The following FUT8 variants were observed in gnomAD, a reference collection of about 807,000 sequenced individuals.
FUT8 encodes the protein fucosyltransferase 8.
In FUT8, 29 loss-of-function variants were observed where a neutral mutation model predicts 71.3. That is an observed-to-expected ratio of 0.41 (90% confidence interval 0.30 to 0.55). The LOEUF (loss-of-function observed/expected upper bound fraction) is 0.55. FUT8 is among the 20% of genes least tolerant of loss of function. The pLI, the probability that FUT8 is intolerant of heterozygous loss-of-function variation, is 0.34. For synonymous variants in FUT8, 254 were observed against 239.3 expected (o/e 1.06, Z -0.57); for missense variants, 544 against 702.1 (o/e 0.77, Z 2.55).
chr14:65,440,617 A>G (rs569450423), intron 1 of FUT8, among the ~76,000 whole-genome samples: 7 of 152,038 alleles, frequency 4.6e-5, no homozygotes, highest in Non-Finnish European at 7.3e-5. Context: ...TACACAATAC[A>G]TATGTGTAAC....
intron 2 of FUT8, among the ~76,000 whole-genome samples, chr14:65,465,377 G>A (rs2066027445): frequency 6.6e-6 from 1 of 151,912 alleles, no homozygotes; most frequent in South Asian, 2.1e-4. Flanking sequence ...TCATTATGTT[G>A]CCCAGGCTGG....
intron 1 of FUT8, among the ~76,000 whole-genome samples, chr14:65,414,416 A>G (rs1433691040): frequency 6.6e-6 from 1 of 152,240 alleles, no homozygotes; most frequent in Non-Finnish European, 1.5e-5. Flanking sequence ...TTTAAGCACT[A>G]CAGTATATCA....
At chr14:65,376,696 G>A in the FUT8 span, among the ~76,000 whole-genome samples, 9 of 152,118 alleles carry the variant, frequency 5.9e-5, no homozygotes, top group African/African-American at 2.2e-4. Context: ...ACAGGCATGA[G>A]CCGCTGTGCC....
intron 7 of FUT8, among the ~76,000 whole-genome samples, chr14:65,712,548 G>T (rs1025583463): frequency 6.6e-6 from 1 of 152,034 alleles, no homozygotes; most frequent in South Asian, 2.1e-4. Context: ...GGGTTCAAGC[G>T]ATTCTCCTGC....
chr14:65,405,289 A>G, the FUT8 span, among the ~76,000 whole-genome samples: 1 of 152,204 alleles, frequency 6.6e-6, no homozygotes, highest in Non-Finnish European at 1.5e-5. Flanking sequence ...GAGACTAGGA[A>G]AAGTAAGATT....
At chr14:65,601,554 A>T (rs919921037) in intron 3 of FUT8, among the ~76,000 whole-genome samples, 15 of 152,090 alleles carry the variant, frequency 9.9e-5, no homozygotes, top group South Asian at 2.1e-4. Flanking sequence ...TGTTTAAAAA[A>T]TTTTTTCTTA....
intron 3 of FUT8, among the ~76,000 whole-genome samples, chr14:65,577,102 A>T (rs1037885245): frequency 6.6e-6 from 1 of 151,878 alleles, no homozygotes; most frequent in East Asian, 1.9e-4. Flanking sequence ...CTCCTGCCTC[A>T]GCCTTCCAAA....
intron 10 of FUT8, among the ~76,000 whole-genome samples, chr14:65,736,630 ATG>A (rs1229046871): frequency 2.6e-5 from 4 of 151,962 alleles, no homozygotes; most frequent in Admixed American, 1.3e-4. Flanking sequence ...TTTGAAGTAA[ATG>A]TGTGTGTGTT....
chr14:65,694,105 G>T (rs1893858769), intron 7 of FUT8, among the ~76,000 whole-genome samples: 1 of 152,096 alleles, frequency 6.6e-6, no homozygotes, highest in South Asian at 2.1e-4. Context: ...CTCACTAGAG[G>T]TTTCTTCATT....
At chr14:65,366,873 G>A in the FUT8 span, among the ~76,000 whole-genome samples, 1 of 152,210 alleles carries the variant, frequency 6.6e-6, no homozygotes, top group African/African-American at 2.4e-5. Context: ...CCATGGTTCT[G>A]AAGAGGCTAC....
intron 6 of FUT8, among the ~76,000 whole-genome samples, chr14:65,648,675 A>C (rs576858224): frequency 6.6e-6 from 1 of 152,320 alleles, no homozygotes; most frequent in Admixed American, 6.5e-5. Flanking sequence ...TCTGACTAAT[A>C]TCGGGTTCCA....
chr14:65,513,189 C>T (rs1882478592), intron 2 of FUT8, among the ~76,000 whole-genome samples: 2 of 152,178 alleles, frequency 1.3e-5, no homozygotes, highest in African/African-American at 4.8e-5. Context: ...ATTCTATCGA[C>T]AAAAAGCATT....
rs33920097 is a variant in FUT8, at chr14:65,488,932, G to GAA, written c.-228+33221_-228+33222dup. 9.2e-5 allele frequency among the ~76,000 whole-genome samples: 14 copies of GAA among 151,434 alleles called. No individual in the cohort carries two copies. In the South Asian group the frequency reaches 2.9e-3, roughly 32 times the overall value. On this transcript the variant is annotated intron_variant, in intron 2 of 10. Coordinates refer to ENST00000673929, the MANE Select transcript of FUT8 (RefSeq NM_001371533.1). ...TGTACTTTTTGAACCAACTTGAATAGAAAAAAAACAACCTGAAGAATAATA... is the reference window on the plus strand; with the variant it reads ...TGTACTTTTTGAACCAACTTGAATAGAAAAAAAAAACAACCTGAAGAATAATA...
intron 7 of FUT8, among the ~76,000 whole-genome samples, chr14:65,695,846 G>A (rs558102457): frequency 1.3e-5 from 2 of 151,840 alleles, no homozygotes; most frequent in South Asian, 4.2e-4. Flanking sequence ...GCCTTCTCTG[G>A]TTTTAATGGG....
At chr14:65,529,910 C>G (rs1452975467) in intron 2 of FUT8, among the ~76,000 whole-genome samples, 1 of 151,290 alleles carries the variant, frequency 6.6e-6, no homozygotes, top group African/African-American at 2.5e-5. Flanking sequence ...ATTGAGGACT[C>G]TGTCTTGCCT....
intron 2 of FUT8, among the ~76,000 whole-genome samples, chr14:65,517,499 A>C (rs1404747009): frequency 6.6e-6 from 1 of 152,202 alleles, no homozygotes; most frequent in Non-Finnish European, 1.5e-5. Flanking sequence ...GTTTCTTGCC[A>C]AAATTTTTGT....
intron 6 of FUT8, chr14:65,645,883 C>G (rs1022655648): frequency 3.2e-4 from 49 of 152,118 alleles, no homozygotes; most frequent in African/African-American, 9.9e-4. Flanking sequence ...TATCTCTGCA[C>G]AAAAGCAACT....
chr14:65,423,017 G>C (rs1460737473), intron 1 of FUT8, among the ~76,000 whole-genome samples: 1 of 135,594 alleles, frequency 7.4e-6, no homozygotes, highest in Non-Finnish European at 1.5e-5. Flanking sequence ...ACTGAGTCTC[G>C]CTTTGTCACC....
rs558239181 is a variant in FUT8 at position 65,702,235 on chromosome 14, C to G, written c.836-19540C>G. Among the ~76,000 whole-genome samples the G allele has an allele frequency of 3.3e-5, 5 of 151,900 alleles. No individual in the cohort carries two copies. In the East Asian group the frequency reaches 9.7e-4, roughly 30 times the overall value. ...TGGCACACGCCTGTAATCCCAGCTA[C>G]TCAGGAGGCTGAGGCAGGAGAATCG... is the stretch of plus-strand genomic sequence containing the variant. On this transcript the variant is annotated intron_variant, in intron 7 of 10. Coordinates refer to ENST00000673929, the MANE Select transcript of FUT8 (RefSeq NM_001371533.1).
Sources: allele counts gnomAD v4.1 joint callset (sites outside exome capture counted in the v4.1 genomes callset), GRCh38; gene constraint gnomAD v4.1.1; transcripts MANE v1.5; gene names NCBI Gene and HGNC (gene_info 2026-07-23, HGNC 2026-07-21).